Variants in ENTREP2 observed in about 807,000 individuals in gnomAD.
ENTREP2 encodes protein ENTREP2.
chr15:29,660,132 A>G, the ENTREP2 span, among the ~76,000 whole-genome samples: 5 of 152,226 alleles, frequency 3.3e-5, no homozygotes, highest in Non-Finnish European at 7.3e-5. Flanking sequence ...GCTATCAGTG[A>G]ACATTTAAAT....
the ENTREP2 span, among the ~76,000 whole-genome samples, chr15:29,463,752 G>GC: frequency 3.3e-5 from 5 of 152,154 alleles, no homozygotes; most frequent in Admixed American, 2.6e-4. Flanking sequence ...AGATATCTGT[G>GC]CACCTATGTT....
the ENTREP2 span, among the ~76,000 whole-genome samples, chr15:29,324,626 A>G: frequency 6.6e-6 from 1 of 152,228 alleles, no homozygotes; most frequent in African/African-American, 2.4e-5. Context: ...TTTCAGAGAA[A>G]GCAGACTTTA....
At chr15:29,222,084 C>T in the ENTREP2 span, among the ~76,000 whole-genome samples, 1 of 152,082 alleles carries the variant, frequency 6.6e-6, no homozygotes, top group Non-Finnish European at 1.5e-5. Flanking sequence ...GGCTGCATTC[C>T]CAGATGGTTA....
the ENTREP2 span, among the ~76,000 whole-genome samples, chr15:29,245,512 C>A: frequency 1.3e-4 from 20 of 151,506 alleles, no homozygotes; most frequent in African/African-American, 4.6e-4. Context: ...ACAAAGAATG[C>A]CATTCAAAAA....
chr15:29,577,349 T>TGTGTGTGTGAGA, the ENTREP2 span, among the ~76,000 whole-genome samples: 222 of 144,436 alleles, frequency 1.5e-3, 2 homozygotes, highest in African/African-American at 5.5e-3. Flanking sequence ...TGTGTGTGTG[T>TGTGTGTGTGAGA]GAGAGAGAGA....
At chr15:29,125,277 C>A in the ENTREP2 span, among the ~76,000 whole-genome samples, 1 of 152,180 alleles carries the variant, frequency 6.6e-6, no homozygotes, top group Admixed American at 6.5e-5. Flanking sequence ...AGAGAGGTTC[C>A]GGAGCTCAAG....
At chr15:29,543,499 G>A in the ENTREP2 span, among the ~76,000 whole-genome samples, 3 of 151,754 alleles carry the variant, frequency 2.0e-5, no homozygotes, top group African/African-American at 7.3e-5. Context: ...CAGCAAAATT[G>A]GACAGGTGCA....
At chr15:29,643,180 A>C in the ENTREP2 span, among the ~76,000 whole-genome samples, 1 of 152,204 alleles carries the variant, frequency 6.6e-6, no homozygotes, top group Admixed American at 6.5e-5. Flanking sequence ...GACTTCACTA[A>C]AACTAAAATT....
chr15:29,311,407 TG>T, the ENTREP2 span, among the ~76,000 whole-genome samples: 1 of 152,220 alleles, frequency 6.6e-6, no homozygotes, highest in Non-Finnish European at 1.5e-5. Context: ...AGTATAATCT[TG>T]GCCAGATATG....
At chr15:29,127,747 C>T in the ENTREP2 span, among the ~76,000 whole-genome samples, 2 of 152,144 alleles carry the variant, frequency 1.3e-5, no homozygotes, top group Non-Finnish European at 2.9e-5. Flanking sequence ...GAGGAGCACC[C>T]CTGTCTATTT....
chr15:29,322,218 GA>G, the ENTREP2 span, among the ~76,000 whole-genome samples: 1 of 151,946 alleles, frequency 6.6e-6, no homozygotes, highest in African/African-American at 2.4e-5. Context: ...ATACATTGTT[GA>G]GGGGTTAAAC....
At chr15:29,197,518 A>G in the ENTREP2 span, among the ~76,000 whole-genome samples, 1 of 152,200 alleles carries the variant, frequency 6.6e-6, no homozygotes, top group African/African-American at 2.4e-5. Context: ...CTGTAATCCC[A>G]GCACTTTGGG....
chr15:29,383,893 G>A, the ENTREP2 span, among the ~76,000 whole-genome samples: 1 of 152,134 alleles, frequency 6.6e-6, no homozygotes, highest in East Asian at 1.9e-4. Context: ...CACAGTTACC[G>A]GCGACAGACA....
At chr15:29,636,095 T>G in the ENTREP2 span, among the ~76,000 whole-genome samples, 1 of 152,202 alleles carries the variant, frequency 6.6e-6, no homozygotes, top group Non-Finnish European at 1.5e-5. Flanking sequence ...AAACTCTGCC[T>G]GGTGCTAAAG....
the ENTREP2 span, among the ~76,000 whole-genome samples, chr15:29,303,890 T>G: frequency 4.6e-5 from 7 of 152,126 alleles, no homozygotes; most frequent in African/African-American, 1.4e-4. Flanking sequence ...TTCTTTTTTC[T>G]TTATTTTTGA....
the ENTREP2 span, among the ~76,000 whole-genome samples, chr15:29,172,249 C>G: frequency 6.6e-6 from 1 of 152,182 alleles, no homozygotes; most frequent in Non-Finnish European, 1.5e-5. Context: ...AATTCCAGTT[C>G]CATCGTGATG....
At chr15:29,449,898 A>G in the ENTREP2 span, among the ~76,000 whole-genome samples, 4 of 151,788 alleles carry the variant, frequency 2.6e-5, no homozygotes, top group African/African-American at 9.7e-5. Context: ...TCCTCTACAA[A>G]CTCACCGGTA....
At chr15:29,479,959 G>A in the ENTREP2 span, among the ~76,000 whole-genome samples, 8 of 152,180 alleles carry the variant, frequency 5.3e-5, no homozygotes, top group East Asian at 1.5e-3. Flanking sequence ...CTGTGGACAT[G>A]GCTGGAACCT....
chr15:29,490,142 C>T, the ENTREP2 span, among the ~76,000 whole-genome samples: 5 of 152,128 alleles, frequency 3.3e-5, no homozygotes, highest in Non-Finnish European at 5.9e-5. Flanking sequence ...AGAATGAAGC[C>T]GTGGACCCCC....
Sources: allele counts gnomAD v4.1 joint callset (sites outside exome capture counted in the v4.1 genomes callset), GRCh38; gene constraint gnomAD v4.1.1; transcripts MANE v1.5; gene names NCBI Gene and HGNC (gene_info 2026-07-23, HGNC 2026-07-21).